Variants in ZNF423 observed in about 807,000 individuals in gnomAD.
ZNF423 encodes Ebf-associated zinc finger protein.
Under a neutral mutation model 95.8 loss-of-function variants are expected in ZNF423, and 12 were observed. That is an observed-to-expected ratio of 0.13 (90% CI 0.08 to 0.20). ZNF423 has a LOEUF of 0.20. ZNF423 is among the 10% of genes least tolerant of loss of function. The pLI is 1.00. For missense variants in ZNF423, 1,316 were observed against 1,737.1 expected (o/e 0.76, Z 4.31); for synonymous variants, 749 against 711.9 (o/e 1.05, Z -0.83).
chr16:49,707,230 T>G (rs371194284), intron 3 of ZNF423, among the ~76,000 whole-genome samples: 18 of 152,264 alleles, frequency 1.2e-4, no homozygotes, highest in Admixed American at 9.8e-4. Context: ...CTCTCCCCAC[T>G]GTCTGCAGTA....
At chr16:49,746,153 T>C (rs2033520005) in intron 2 of ZNF423, among the ~76,000 whole-genome samples, 1 of 152,102 alleles carries the variant, frequency 6.6e-6, no homozygotes, top group Non-Finnish European at 1.5e-5. Flanking sequence ...GGGCATTCTG[T>C]GAGTGGAATG....
chr16:49,520,070 G>C (rs1948480586), intron 7 of ZNF423, among the ~76,000 whole-genome samples: 1 of 152,112 alleles, frequency 6.6e-6, no homozygotes, highest in South Asian at 2.1e-4. Flanking sequence ...CCATTATTTG[G>C]TTTTATTTTT....
intron 5 of ZNF423, 52 bp from the exon 6 acceptor site, chr16:49,525,546 A>G: frequency 6.2e-7 from 1 of 1,608,262 alleles, no homozygotes; most frequent in African/African-American, 1.3e-5. Context: ...TGTCCCCCAG[A>G]CAGGTGCTCA....
At chr16:49,605,894 G>A (rs1474883877) in intron 5 of ZNF423, among the ~76,000 whole-genome samples, 1 of 152,220 alleles carries the variant, frequency 6.6e-6, no homozygotes, top group Non-Finnish European at 1.5e-5. Context: ...AACACAAGGA[G>A]CAGATTCCCG....
chr16:49,627,135 T>C (rs1305236132), intron 4 of ZNF423, among the ~76,000 whole-genome samples: 1 of 143,384 alleles, frequency 7.0e-6, no homozygotes, highest in East Asian at 2.3e-4. Context: ...TTCATCTACA[T>C]ACACACCCAC....
In ZNF423 at chr16:49,626,169, C is replaced by T; in HGVS notation, c.3601+1G>A. ...ATGGCTGGGAGGAAATGCTCTCTTA[C>T]CAATCATGTGGTTGGCAACGTGGAT... On this transcript the variant is annotated splice_donor_variant, in intron 5 of 7. Transcript: ENST00000563137. LOFTEE classifies it high-confidence loss of function. 1 of 1,613,898 alleles carries T rather than the reference C, an allele frequency of 6.2e-7. No individual in the cohort carries two copies. Among genetic ancestry groups the T allele is most frequent in the Non-Finnish European group, 8.5e-7 (1 of 1,179,862 alleles).
At chr16:49,767,157 TGCTGCCCAGGCTGGTCTCAAACA>T (rs1441151851) in intron 2 of ZNF423, among the ~76,000 whole-genome samples, 5 of 152,196 alleles carry the variant, frequency 3.3e-5, no homozygotes, top group African/African-American at 1.2e-4. Context: ...GGTCTCGCTA[TGCTGCCCAGGCTGGTCTCAAACA>T]GCTGCCCTCA....
intron 5 of ZNF423, among the ~76,000 whole-genome samples, chr16:49,619,585 G>GA (rs34942993): frequency 0.25 from 37,053 of 147,528 alleles, 4,822 homozygotes; most frequent in African/African-American, 0.34. Flanking sequence ...GTTTGGCAAC[G>GA]AAAAAAAAAA....
At chr16:49,557,659 C>T (rs892516184) in intron 5 of ZNF423, among the ~76,000 whole-genome samples, 6 of 152,082 alleles carry the variant, frequency 3.9e-5, no homozygotes, top group Non-Finnish European at 7.4e-5. Flanking sequence ...GGTGATGGGG[C>T]GGTTTGGGTG....
intron 7 of ZNF423, among the ~76,000 whole-genome samples, chr16:49,516,601 G>GC (rs1341141253): frequency 7.9e-5 from 12 of 152,170 alleles, no homozygotes; most frequent in African/African-American, 2.9e-4. Flanking sequence ...TTCACTCTTG[G>GC]CAGCATTTCA....
In ZNF423 at chr16:49,492,599, C is replaced by A. The variant is rs947560843; in HGVS notation, c.3850-1295G>T. 1.3e-5 allele frequency among the ~76,000 whole-genome samples: 2 copies of A among 152,324 alleles called. No homozygotes were observed. The highest frequency in any genetic ancestry group is 2.1e-4 in the South Asian group (1 of 4,834). On this transcript the variant is annotated intron_variant, in intron 7 of 7. Transcript: ENST00000563137. This position sits in a 1 kb window ranked among gnomAD's most constrained non-coding sequence, Gnocchi z 4.2. ...CGGCCCCCGTGGTAATGTCACCGAC[C>A]CTTCCTGCGAGCTCCCGGCCGGGAA...
Position 49,764,961 on chromosome 16 carries a change from G to T in ZNF423, c.100+24526C>A, listed in dbSNP as rs1051789977. Among the ~76,000 whole-genome samples the T allele has an allele frequency of 1.1e-4, 16 of 145,566 alleles. 1 individual carries two copies. Among genetic ancestry groups the T allele is most frequent in the African/African-American group, 4.1e-4 (16 of 39,088 alleles). Reference sequence around the variant, plus strand: ...TTTAGTAGAGACGCGGTTTCACCATGTTGGCCAGGCTGGGCTCAAACTCCT... The same window carrying T: ...TTTAGTAGAGACGCGGTTTCACCATTTTGGCCAGGCTGGGCTCAAACTCCT... On this transcript the variant is annotated intron_variant, in intron 2 of 7. Coordinates refer to ENST00000563137, the MANE Select transcript of ZNF423 (RefSeq NM_001379286.1).
intron 5 of ZNF423, among the ~76,000 whole-genome samples, chr16:49,562,331 T>G (rs1320655914): frequency 1.3e-5 from 2 of 152,192 alleles, no homozygotes; most frequent in African/African-American, 4.8e-5. Context: ...ACAAATTAAC[T>G]CTCTGACCCT....
chr16:49,775,056 C>G, intron 2 of ZNF423, among the ~76,000 whole-genome samples: 1 of 152,196 alleles, frequency 6.6e-6, no homozygotes. Flanking sequence ...GCAAAGGCAG[C>G]ATTGCCTCCG....
At chr16:49,593,023 T>G (rs769252221) in intron 5 of ZNF423, among the ~76,000 whole-genome samples, 12 of 152,098 alleles carry the variant, frequency 7.9e-5, no homozygotes, top group Non-Finnish European at 1.2e-4. Context: ...CCAAAATCCT[T>G]CAAATACCTG....
intron 1 of ZNF423, among the ~76,000 whole-genome samples, chr16:49,821,715 C>G (rs2034944019): frequency 6.6e-6 from 1 of 152,198 alleles, no homozygotes; most frequent in Non-Finnish European, 1.5e-5. Flanking sequence ...TCTGCCCCTG[C>G]TGCTCTCTTT....
chr16:49,662,245 T>A (rs1334405904), intron 3 of ZNF423, among the ~76,000 whole-genome samples: 1 of 152,142 alleles, frequency 6.6e-6, no homozygotes, highest in African/African-American at 2.4e-5. Context: ...AAATCCCTTC[T>A]ACAAAGAGGT....
chr16:49,635,636 C>T lies in ZNF423; in HGVS notation c.3516+24G>A, dbSNP rs769676479. ...GAGCCCCAAGGAGAGGAGCAGGGAG[C>T]AGGATGAGGTGGACTGCACTTACCC... On this transcript the variant is annotated intron_variant, in intron 4 of 7. Transcript: ENST00000563137. The surrounding 1 kb of genome is among the most constrained non-coding windows in gnomAD (Gnocchi z 4.8). 2 of 1,523,258 alleles carry T rather than the reference C, an allele frequency of 1.3e-6. No homozygotes were observed. Among genetic ancestry groups the T allele is most frequent in the Admixed American group, 4.5e-5 (2 of 44,886 alleles). 94.4% of individuals were successfully genotyped at this position (1,523,258 alleles called of 1,614,324 possible). A position where few individuals can be genotyped will look rare whatever the true frequency, so the allele number is the denominator to read the frequency against.
At position 49,609,658 on chromosome 16, in the gene ZNF423, A is replaced by AT. The variant is rs1159060369; in HGVS notation, c.3601+16511dup. Among the ~76,000 whole-genome samples the AT allele has an allele frequency of 1.4e-4, 21 of 152,266 alleles. No homozygotes were observed. In the East Asian group the frequency reaches 4.1e-3, roughly 29 times the overall value. ...AAAAAAAGAATCAGTGAAATAGGAG[A>AT]TAGAATAATAAAAATCACCCAGAGT... On this transcript the variant is annotated intron_variant, in intron 5 of 7. Transcript: ENST00000563137.
Sources: allele counts gnomAD v4.1 joint callset (sites outside exome capture counted in the v4.1 genomes callset), GRCh38; gene constraint gnomAD v4.1.1; non-coding constraint Gnocchi (gnomAD v3.1); transcripts MANE v1.5; gene names NCBI Gene and HGNC (gene_info 2026-07-23, HGNC 2026-07-21).